GLMN: variants seen among roughly 807,000 people sequenced by gnomAD.
GLMN encodes the protein glomulin, FKBP associated protein, also known as glomulin.
GLMN carries 75 observed loss-of-function variants against 87.8 expected under a neutral mutation model. The observed-to-expected ratio is 0.85, with a 90% CI of 0.71 to 1.04. The LOEUF (loss-of-function observed/expected upper bound fraction) is 1.04. Ranked by LOEUF, GLMN falls within the 50% of genes least tolerant of loss-of-function variation. GLMN has a pLI of 0.00. For missense variants in GLMN, 588 were observed against 658.8 expected (o/e 0.89, Z 1.18); for synonymous variants, 206 against 221.6 (o/e 0.93, Z 0.63).
At position 92,267,907 on chromosome 1, in the gene GLMN, ATTTACCTGAGGTAC is replaced by A; in HGVS notation, c.1090_1098+5del. ...TTTTCAATATTAGAATACATATTTT[ATTTACCTGAGGTAC>A]AGTAAGAAAACTCTTGATTTCTAAG... On this transcript the variant is annotated splice_donor_variant and splice_donor_5th_base_variant and coding_sequence_variant and intron_variant, in exon 11 of 19. Coordinates refer to ENST00000370360, the MANE Select transcript of GLMN (RefSeq NM_053274.3). LOFTEE classifies it high-confidence loss of function. 1.6e-6 allele frequency: 2 copies of A among 1,251,672 alleles called. No homozygotes were observed. Among genetic ancestry groups the A allele is most frequent in the Non-Finnish European group, 2.4e-6 (2 of 849,292 alleles). 77.5% of individuals were successfully genotyped at this position (1,251,672 alleles called of 1,614,324 possible). A position where few individuals can be genotyped will look rare whatever the true frequency, so the allele number is the denominator to read the frequency against.
chr1:92,285,227 A>C (rs1570953012), intron 7 of GLMN, among the ~76,000 whole-genome samples: 1 of 152,216 alleles, frequency 6.6e-6, no homozygotes, highest in Non-Finnish European at 1.5e-5. Context: ...ATGTCCATCA[A>C]TGATAGACTA....
At chr1:92,350,395 A>C in the GLMN span, among the ~76,000 whole-genome samples, 7 of 152,354 alleles carry the variant, frequency 4.6e-5, no homozygotes, top group South Asian at 1.4e-3. Flanking sequence ...CTCATTAGAA[A>C]TGCAATAAAA....
the GLMN span, chr1:92,323,608 G>T: frequency 1.2e-6 from 2 of 1,613,908 alleles, no homozygotes; most frequent in East Asian, 4.5e-5. Context: ...CATTCTACCA[G>T]GAAACAGACC....
the GLMN span, among the ~76,000 whole-genome samples, chr1:92,370,763 T>A: frequency 6.6e-6 from 1 of 152,106 alleles, no homozygotes; most frequent in Non-Finnish European, 1.5e-5. Context: ...AGAAGGAGAC[T>A]GAAAGGGAGT....
chr1:92,266,376 T>A, intron 13 of GLMN, 43 bp downstream of exon 13: 1 of 1,012,678 alleles, frequency 9.9e-7, no homozygotes, highest in East Asian at 2.4e-5. Flanking sequence ...ACATGACTTT[T>A]AATCAACCAC....
chr1:92,300,319 T>C (rs1458822659), upstream of GLMN: 22 of 1,138,510 alleles, frequency 1.9e-5, no homozygotes, highest in East Asian at 2.6e-4. Context: ...ACAATAATGG[T>C]TACCTTTTTT....
chr1:92,305,555 T>C, the GLMN span, among the ~76,000 whole-genome samples: 1 of 149,906 alleles, frequency 6.7e-6, no homozygotes, highest in Admixed American at 6.6e-5. Context: ...TATATTAAAA[T>C]GTAAAACTTT....
the GLMN span, among the ~76,000 whole-genome samples, chr1:92,304,819 A>G: frequency 0.062 from 9,479 of 152,248 alleles, 437 homozygotes; most frequent in Non-Finnish European, 0.089. Flanking sequence ...TAGATTAAAG[A>G]CATAAATGTA....
At chr1:92,338,510 G>C in the GLMN span, among the ~76,000 whole-genome samples, 1 of 152,174 alleles carries the variant, frequency 6.6e-6, no homozygotes, top group Non-Finnish European at 1.5e-5. Flanking sequence ...TGATGATAAA[G>C]TTTAAATAGA....
chr1:92,348,895 G>A, the GLMN span, among the ~76,000 whole-genome samples: 2 of 152,142 alleles, frequency 1.3e-5, no homozygotes, highest in Non-Finnish European at 2.9e-5. Context: ...AGCAAAAACA[G>A]GCATGAAGGC....
the GLMN span, among the ~76,000 whole-genome samples, chr1:92,348,164 C>T: frequency 1.5e-3 from 229 of 152,316 alleles, 2 homozygotes; most frequent in East Asian, 0.029. Flanking sequence ...GCTGTGATTA[C>T]AGGCATGAGC....
the GLMN span, among the ~76,000 whole-genome samples, chr1:92,337,790 C>A: frequency 1.3e-5 from 2 of 152,004 alleles, no homozygotes; most frequent in Non-Finnish European, 2.9e-5. Context: ...CATTGATTTT[C>A]ATTCATCGTC....
chr1:92,355,161 A>G, the GLMN span, among the ~76,000 whole-genome samples: 1 of 151,990 alleles, frequency 6.6e-6, no homozygotes, highest in East Asian at 1.9e-4. Flanking sequence ...TTATGTCATT[A>G]ATTTTTATTT....
chr1:92,303,273 A>G (rs1650988493), upstream of GLMN, among the ~76,000 whole-genome samples: 1 of 152,234 alleles, frequency 6.6e-6, no homozygotes, highest in Non-Finnish European at 1.5e-5. Context: ...TGATGACACC[A>G]GAAAAGACAA....
chr1:92,276,441 C>T (rs1043540844), intron 7 of GLMN, among the ~76,000 whole-genome samples: 9 of 152,082 alleles, frequency 5.9e-5, no homozygotes, highest in Admixed American at 3.3e-4. Context: ...GCAGCCAGAT[C>T]GCTTGAGCCC....
chr1:92,277,267 T>C (rs1647400004), intron 7 of GLMN, among the ~76,000 whole-genome samples: 1 of 152,234 alleles, frequency 6.6e-6, no homozygotes, highest in South Asian at 2.1e-4. Flanking sequence ...CTACTTCCAA[T>C]TTTATCCCAG....
the GLMN span, among the ~76,000 whole-genome samples, chr1:92,319,701 T>G: frequency 6.6e-6 from 1 of 152,116 alleles, no homozygotes; most frequent in Non-Finnish European, 1.5e-5. Context: ...CTTAAACATA[T>G]GAAAAGTTAA....
At chr1:92,268,034 T>C (rs1200934376) in intron 10 of GLMN, 32 bp from the exon 11 acceptor site, 7 of 1,402,852 alleles carry the variant, frequency 5.0e-6, no homozygotes, top group South Asian at 1.2e-5. Flanking sequence ...GATACATATA[T>C]AGTGAAGTCA....
At chr1:92,362,963 T>C in the GLMN span, among the ~76,000 whole-genome samples, 1 of 152,130 alleles carries the variant, frequency 6.6e-6, no homozygotes, top group Non-Finnish European at 1.5e-5. Context: ...CCCAAACATA[T>C]AAAATTAAGT....
Sources: gnomAD v4.1 joint callset for allele counts (sites outside exome capture counted in the v4.1 genomes callset) on GRCh38, gnomAD v4.1.1 for gene constraint, MANE v1.5 for transcripts, NCBI Gene and HGNC (gene_info 2026-07-23, HGNC 2026-07-21) for gene names.